PKIA: variants seen among roughly 807,000 people sequenced by gnomAD.
The protein encoded by PKIA is PKI-alpha.
In PKIA, 4 loss-of-function variants were observed where a neutral mutation model predicts 7.6. That is an observed-to-expected ratio of 0.52 (90% CI 0.26 to 1.20). The LOEUF is 1.20. PKIA is among the 50% of genes most tolerant of loss of function. The probability of loss-of-function intolerance (pLI) is 0.13; values close to 1 mark genes in which losing one functional copy is unlikely to be tolerated. For missense variants in PKIA, 73 were observed against 86.2 expected (o/e 0.85, Z 0.61); for synonymous variants, 21 against 30.7 (o/e 0.68, Z 1.04).
chr8:78,600,730 T>G (rs1244696254), intron 3 of PKIA, among the ~76,000 whole-genome samples: 1 of 152,062 alleles, frequency 6.6e-6, no homozygotes, highest in African/African-American at 2.4e-5. Context: ...AAGAAAATAT[T>G]TTTATGTAGA....
At chr8:78,522,655 A>G (rs1809438395) in intron 1 of PKIA, among the ~76,000 whole-genome samples, 1 of 151,990 alleles carries the variant, frequency 6.6e-6, no homozygotes, top group Non-Finnish European at 1.5e-5. Context: ...TCTCTCAATC[A>G]TGCATTTTTT....
At chr8:78,573,741 AG>A (rs1807610837) in intron 2 of PKIA, among the ~76,000 whole-genome samples, 2 of 152,000 alleles carry the variant, frequency 1.3e-5, no homozygotes, top group Admixed American at 6.6e-5. Flanking sequence ...GAAGAGAAAA[AG>A]TTTGTCCTTG....
chr8:78,522,474 G>T (rs1359372039), intron 1 of PKIA, among the ~76,000 whole-genome samples: 1 of 151,744 alleles, frequency 6.6e-6, no homozygotes, highest in Admixed American at 6.6e-5. Flanking sequence ...CTAACATTCT[G>T]TAACAGATAG....
At chr8:78,596,247 TA>T (rs1167804608) in intron 2 of PKIA, among the ~76,000 whole-genome samples, 10 of 152,250 alleles carry the variant, frequency 6.6e-5, no homozygotes, top group Middle Eastern at 6.8e-3. Context: ...TGTATTTATT[TA>T]TTTTTTTAAG....
intron 2 of PKIA, among the ~76,000 whole-genome samples, chr8:78,579,198 A>C (rs1807747283): frequency 6.6e-6 from 1 of 152,006 alleles, no homozygotes; most frequent in Non-Finnish European, 1.5e-5. Flanking sequence ...CACCTAGTGC[A>C]ACAGGCAGTC....
chr8:78,523,529 T>G (rs531883744), intron 1 of PKIA, among the ~76,000 whole-genome samples: 1 of 152,002 alleles, frequency 6.6e-6, no homozygotes, highest in South Asian at 2.1e-4. Flanking sequence ...CATTCCTCAC[T>G]TATATACTGC....
intron 2 of PKIA, among the ~76,000 whole-genome samples, chr8:78,594,003 T>C (rs1278963246): frequency 6.6e-6 from 1 of 152,244 alleles, no homozygotes; most frequent in East Asian, 1.9e-4. Context: ...CATATTCTTA[T>C]TTAACAATGG....
intron 2 of PKIA, among the ~76,000 whole-genome samples, chr8:78,585,097 T>C (rs1331261506): frequency 6.6e-6 from 1 of 152,026 alleles, no homozygotes; most frequent in Non-Finnish European, 1.5e-5. Flanking sequence ...TTGTTTATCT[T>C]GTTACCTTAT....
chr8:78,585,137 G>C (rs185001910), intron 2 of PKIA, among the ~76,000 whole-genome samples: 5 of 151,838 alleles, frequency 3.3e-5, no homozygotes, highest in Non-Finnish European at 5.9e-5. Context: ...TTAGTATAGC[G>C]ATTTGACCAC....
chr8:78,520,025 T>TA (rs960307642), intron 1 of PKIA, among the ~76,000 whole-genome samples: 26 of 152,074 alleles, frequency 1.7e-4, no homozygotes, highest in African/African-American at 4.3e-4. Flanking sequence ...TCTGCTCTTC[T>TA]AAAAAAAACT....
chr8:78,599,721 A>T (rs1321219189), intron 3 of PKIA, among the ~76,000 whole-genome samples: 1 of 152,060 alleles, frequency 6.6e-6, no homozygotes, highest in Non-Finnish European at 1.5e-5. Flanking sequence ...ATAACATGAG[A>T]TGGATAAATA....
At chr8:78,523,690 A>C (rs971286454) in intron 1 of PKIA, among the ~76,000 whole-genome samples, 22 of 151,666 alleles carry the variant, frequency 1.5e-4, no homozygotes, top group Non-Finnish European at 2.8e-4. Flanking sequence ...CATTTCCAAA[A>C]TGTAATTTTG....
At chr8:78,526,591 C>T (rs947878120) in intron 1 of PKIA, among the ~76,000 whole-genome samples, 2 of 151,938 alleles carry the variant, frequency 1.3e-5, no homozygotes, top group South Asian at 4.2e-4. Context: ...ATTAAGTTGT[C>T]CAAAAACAAA....
chr8:78,562,130 A>C (rs930991456), intron 1 of PKIA, among the ~76,000 whole-genome samples: 7 of 151,882 alleles, frequency 4.6e-5, no homozygotes, highest in East Asian at 1.9e-4. Flanking sequence ...CTGAAACCCC[A>C]AAAAATATTA....
chr8:78,542,850 C>T (rs1452533861), intron 1 of PKIA, among the ~76,000 whole-genome samples: 1 of 152,134 alleles, frequency 6.6e-6, no homozygotes, highest in Non-Finnish European at 1.5e-5. Context: ...TGTCTTATCT[C>T]CTTCCTGTCT....
rs948607711 is a variant in PKIA at position 78,598,359 on chromosome 8, C to G, written c.-26C>G. 6.3e-7 allele frequency: 1 copy of G among 1,586,270 alleles called. No homozygotes were observed. Among genetic ancestry groups the G allele is most frequent in the Non-Finnish European group, 8.6e-7 (1 of 1,161,106 alleles). ...TATTAATTTTCCTTTCTTTTGTAGT[C>G]CCTGCTATGTGGATATTTGGTAGCA... is the stretch of plus-strand genomic sequence containing the variant. On this transcript the variant is annotated splice_region_variant and 5_prime_UTR_variant, in exon 3 of 4. Transcript: ENST00000396418.
intron 1 of PKIA, among the ~76,000 whole-genome samples, chr8:78,547,813 T>A (rs1451449780): frequency 6.6e-6 from 1 of 152,142 alleles, no homozygotes; most frequent in African/African-American, 2.4e-5. Context: ...AATTTTTGAA[T>A]CTGGGTGAAG....
At chr8:78,549,380 AAG>A (rs1420730177) in intron 1 of PKIA, among the ~76,000 whole-genome samples, 1 of 152,110 alleles carries the variant, frequency 6.6e-6, no homozygotes, top group African/African-American at 2.4e-5. Flanking sequence ...TATAATAAAA[AAG>A]GTGGCAAGAT....
At chr8:78,535,084 G>A (rs2118378278) in intron 1 of PKIA, 1 of 152,270 alleles carries the variant, frequency 6.6e-6, no homozygotes, top group South Asian at 2.1e-4. Context: ...ATTTTGACAT[G>A]TTAGGACAGA....
Sources: allele counts gnomAD v4.1 joint callset (sites outside exome capture counted in the v4.1 genomes callset), GRCh38; gene constraint gnomAD v4.1.1; transcripts MANE v1.5; gene names NCBI Gene and HGNC (gene_info 2026-07-23, HGNC 2026-07-21).